RYR3: variants seen among roughly 807,000 people sequenced by gnomAD.
RYR3 encodes ryanodine receptor 3.
Under a neutral mutation model 584.3 loss-of-function variants are expected in RYR3, and 207 were observed. The ratio of observed to expected loss-of-function variants is 0.35; its 90% CI spans 0.32 to 0.40. The LOEUF is 0.40. Among genes scored for constraint, RYR3 ranks in the 10% least tolerant of loss-of-function variants. The pLI is 1.00. For synonymous variants in RYR3, 2,416 were observed against 2,248.5 expected (o/e 1.07, Z -2.11); for missense variants, 5,616 against 6,089.2 (o/e 0.92, Z 2.59).
chr15:33,676,861 C>G (rs2064214018), intron 38 of RYR3, among the ~76,000 whole-genome samples: 1 of 152,156 alleles, frequency 6.6e-6, no homozygotes, highest in Non-Finnish European at 1.5e-5. Flanking sequence ...ATTCTGTGAT[C>G]TGTTGAATCA....
At chr15:33,406,515 A>G (rs949162415) in intron 1 of RYR3, among the ~76,000 whole-genome samples, 2 of 152,242 alleles carry the variant, frequency 1.3e-5, no homozygotes, top group African/African-American at 4.8e-5. Flanking sequence ...TCTGGAGAAT[A>G]TTTCAAAGAT....
intron 14 of RYR3, among the ~76,000 whole-genome samples, chr15:33,584,017 A>ACT (rs34716262): frequency 0.28 from 43,220 of 151,804 alleles, 6,409 homozygotes; most frequent in Non-Finnish European, 0.32. Flanking sequence ...GCACCACTGT[A>ACT]CTCCAGCCTG....
At chr15:33,482,949 C>G (rs1232803273) in intron 2 of RYR3, among the ~76,000 whole-genome samples, 3 of 152,142 alleles carry the variant, frequency 2.0e-5, no homozygotes, top group Admixed American at 2.0e-4. Flanking sequence ...GTCACTATGA[C>G]TCTATCCATT....
In RYR3 at chr15:33,742,434, C is replaced by T. The variant is rs777343203; in HGVS notation, c.7889C>T (p.Ala2630Val). 24 of 1,604,772 alleles carry T rather than the reference C, an allele frequency of 1.5e-5. No homozygotes were observed. The highest frequency in any genetic ancestry group is 2.0e-5 in the Non-Finnish European group (23 of 1,171,576). The change falls in exon 52 of 104, where the codon GCC (alanine) becomes GTC (valine). Residue 2630 changes from alanine (A) to valine (V), a missense_variant. Physicochemically the swap from Ala to Val is moderately conservative, Grantham distance 64 (BLOSUM62 0). Transcript: ENST00000634891. The part of the protein sequence containing the change: ...KYAEHSHDKW[A>V]CDKSQSGWKY... ...GCTGAGCATTCACATGATAAATGGG[C>T]CTGTGACAAGGTAGGGATTATCATC...
intron 48 of RYR3, among the ~76,000 whole-genome samples, chr15:33,734,732 C>T (rs2069276622): frequency 1.4e-5 from 2 of 144,158 alleles, no homozygotes; most frequent in East Asian, 2.0e-4. Context: ...CTCTGTCGCC[C>T]AGGTTGGAGT....
Position 33,652,841 on chromosome 15 carries a change from G to T in RYR3, c.4266G>T (p.Leu1422Phe). 6.2e-7 allele frequency: 1 copy of T among 1,613,518 alleles called. No homozygotes were observed. The highest frequency in any genetic ancestry group is 1.3e-5 in the African/African-American group (1 of 75,024). The change falls in exon 32 of 104, where the codon TTG (leucine) becomes TTT (phenylalanine). Residue 1422 changes from leucine to phenylalanine, a missense_variant. Leu to Phe is a conservative substitution (Grantham distance 22). Around this residue, in one of 9 missense-constraint regions of RYR3, gnomAD observed 753 missense variants for 741.0 expected, o/e 1.02. Transcript: ENST00000634891. ...GCLVDLAMGM[L>F]SFSANGKELG... ...TCGTGGATCTGGCCATGGGCATGTTGTCCTTCTCAGCCAATGGAAAGGAAC... is the reference window on the plus strand; with the variant it reads ...TCGTGGATCTGGCCATGGGCATGTTTTCCTTCTCAGCCAATGGAAAGGAAC...
At chr15:33,797,292 C>T (rs988261014) in intron 67 of RYR3, among the ~76,000 whole-genome samples, 1 of 152,080 alleles carries the variant, frequency 6.6e-6, no homozygotes. Flanking sequence ...ATAAAAGAGA[C>T]CCACAGATCA....
rs1372585320 is a variant in RYR3 at position 33,601,451 on chromosome 15, C to T, written c.1821C>T (p.Cys607=). 2 of 1,613,248 alleles carry T rather than the reference C, an allele frequency of 1.2e-6. No homozygotes were observed. Among genetic ancestry groups the T allele is most frequent in the South Asian group, 2.2e-5 (2 of 90,788 alleles). ...VLDILCSLCL[C]NGVAVRANQN... ...ATATCCTGTGCTCCCTCTGTCTCTG[C>T]AATGGGGTTGCAGTGAGAGCCAACC... Residue 607 remains cysteine (C), a synonymous_variant, in exon 17 of 104, where the codon TGC becomes TGT. Transcript: ENST00000634891.
chr15:33,824,982 G>A (rs1433879369), intron 81 of RYR3, among the ~76,000 whole-genome samples: 1 of 152,174 alleles, frequency 6.6e-6, no homozygotes, highest in Non-Finnish European at 1.5e-5. Flanking sequence ...AAGGTTGTGG[G>A]GAGTAGGGAC....
intron 86 of RYR3, among the ~76,000 whole-genome samples, chr15:33,833,000 C>T (rs2077789141): frequency 3.3e-5 from 1 of 30,424 alleles, no homozygotes; most frequent in Admixed American, 4.4e-4. Context: ...AAAACTCTGT[C>T]TCAAAAAAAA....
chr15:33,369,468 C>A (rs1976004656), intron 1 of RYR3, among the ~76,000 whole-genome samples: 1 of 152,096 alleles, frequency 6.6e-6, no homozygotes, highest in Non-Finnish European at 1.5e-5. Context: ...TGAAGGCTAC[C>A]CTTCTCCTTC....
At chr15:33,754,267 A>G (rs1319390708) in intron 57 of RYR3, among the ~76,000 whole-genome samples, 4 of 152,170 alleles carry the variant, frequency 2.6e-5, no homozygotes, top group African/African-American at 4.8e-5. Flanking sequence ...CACAGCAACC[A>G]GTGATCCTGT....
chr15:33,728,475 C>T (rs1290591144), intron 46 of RYR3, among the ~76,000 whole-genome samples: 2 of 152,230 alleles, frequency 1.3e-5, no homozygotes, highest in East Asian at 3.8e-4. Context: ...GGCTTTTCAA[C>T]AAAGTACAAG....
intron 43 of RYR3, among the ~76,000 whole-genome samples, chr15:33,713,373 G>A (rs1484396623): frequency 6.6e-6 from 1 of 151,982 alleles, no homozygotes; most frequent in Non-Finnish European, 1.5e-5. Context: ...GACTGAGGTG[G>A]GTGGTGGTTA....
At chr15:33,809,785 G>A (rs532162518) in intron 70 of RYR3, among the ~76,000 whole-genome samples, 5 of 152,022 alleles carry the variant, frequency 3.3e-5, no homozygotes, top group South Asian at 2.1e-4. Context: ...ACAGGCATGC[G>A]CCACCGCACC....
chr15:33,581,743 T>C (rs1595700275), intron 14 of RYR3, 100 bp downstream of exon 14: 1 of 1,021,988 alleles, frequency 9.8e-7, no homozygotes, highest in East Asian at 2.4e-5. Flanking sequence ...CCTGTGATAC[T>C]TGGACTGCCT....
At chr15:33,435,510 A>T (rs62015581) in intron 1 of RYR3, among the ~76,000 whole-genome samples, 1 of 152,158 alleles carries the variant, frequency 6.6e-6, no homozygotes, top group African/African-American at 2.4e-5. Flanking sequence ...AAACATTCTT[A>T]TACTTGTGTG....
intron 70 of RYR3, among the ~76,000 whole-genome samples, chr15:33,809,645 G>A (rs1464353755): frequency 9.0e-6 from 1 of 110,524 alleles, no homozygotes; most frequent in Non-Finnish European, 1.9e-5. Flanking sequence ...TTTTGTTGTT[G>A]TTGTTGTTGA....
At chr15:33,579,129 A>T (rs1228867594) in intron 12 of RYR3, among the ~76,000 whole-genome samples, 1 of 152,182 alleles carries the variant, frequency 6.6e-6, no homozygotes, top group Non-Finnish European at 1.5e-5. Flanking sequence ...ACACCAAGAA[A>T]CAAAGAGGGA....
Sources: allele counts gnomAD v4.1 joint callset (sites outside exome capture counted in the v4.1 genomes callset), GRCh38; gene constraint gnomAD v4.1.1; regional missense constraint gnomAD v4.1.1; transcripts MANE v1.5; gene names NCBI Gene and HGNC (gene_info 2026-07-23, HGNC 2026-07-21).